ZNF45: variants seen among roughly 807,000 people sequenced by gnomAD.
ZNF45 encodes the protein BRC1744.
ZNF45 carries 4 observed loss-of-function variants against 12.0 expected under a neutral mutation model. That is an observed-to-expected ratio of 0.33 (90% CI 0.16 to 0.76). The LOEUF is 0.76. Ranked by LOEUF, ZNF45 falls within the 30% of genes least tolerant of loss-of-function variation. The pLI is 0.60. For missense variants in ZNF45, 700 were observed against 813.0 expected (o/e 0.86, Z 1.69); for synonymous variants, 272 against 279.6 (o/e 0.97, Z 0.27).
rs988302309 is a variant in ZNF45 at position 43,924,231 on chromosome 19, C to T, written c.-33+7G>A. The T allele has an allele frequency of 6.6e-6, 1 of 152,194 alleles. No individual in the cohort carries two copies. 9.4% of individuals were successfully genotyped at this position (152,194 alleles called of 1,614,324 possible). ...CATGATGTTTCATTAAGGTACTTCA[C>T]ACATACCTGTGAAGAAGCTACTGTT... On this transcript the variant is annotated splice_region_variant and intron_variant, in intron 6 of 9. Coordinates refer to ENST00000269973, the MANE Select transcript of ZNF45 (RefSeq NM_003425.4).
At chr19:43,934,755 T>C (rs1974381299) in intron 1 of ZNF45, 61 bp from the exon 2 acceptor site, 1 of 152,248 alleles carries the variant, frequency 6.6e-6, no homozygotes, top group Non-Finnish European at 1.5e-5. Context: ...TTTATTATGA[T>C]AGTTTTAATA....
At chr19:43,918,061 TG>T (rs1379816896) in intron 9 of ZNF45, among the ~76,000 whole-genome samples, 2 of 152,202 alleles carry the variant, frequency 1.3e-5, no homozygotes, top group Non-Finnish European at 2.9e-5. Context: ...ACTACTAAAA[TG>T]ATAAGTAATA....
At chr19:43,918,619 T>C (rs1972877937) in intron 9 of ZNF45, among the ~76,000 whole-genome samples, 1 of 152,154 alleles carries the variant, frequency 6.6e-6, no homozygotes, top group African/African-American at 2.4e-5. Context: ...ATGTCAGAAA[T>C]AAAATTCCGT....
intron 2 of ZNF45, 121 bp from the exon 3 acceptor site, chr19:43,932,811 T>C (rs1974235440): frequency 6.6e-6 from 1 of 152,238 alleles, no homozygotes; most frequent in Admixed American, 6.5e-5. Flanking sequence ...CTTTCTCACA[T>C]AAGTAGCATT....
intron 3 of ZNF45, among the ~76,000 whole-genome samples, chr19:43,929,501 A>G (rs906131003): frequency 1.3e-5 from 2 of 152,188 alleles, no homozygotes; most frequent in Non-Finnish European, 2.9e-5. Flanking sequence ...TTACAAAAGC[A>G]TAGGCCCCAG....
chr19:43,924,297 G>C lies in ZNF45; in HGVS notation c.-92C>G, dbSNP rs1973489588. 2 of 152,172 alleles carry C rather than the reference G, an allele frequency of 1.3e-5. No individual in the cohort carries two copies. Among genetic ancestry groups the C allele is most frequent in the Non-Finnish European group, 2.9e-5 (2 of 68,040 alleles). The allele number at this position is 152,172 out of a possible 1,614,324, so 9.4% of individuals were successfully genotyped here. Reference sequence around the variant, plus strand: ...CCTTGGTCCAAACACCTAAACTTCTGTGCCTATGCTCAGCTATAAGAAGGG... The same window carrying C: ...CCTTGGTCCAAACACCTAAACTTCTCTGCCTATGCTCAGCTATAAGAAGGG... On this transcript the variant is annotated 5_prime_UTR_variant, in exon 6 of 10. Coordinates refer to ENST00000269973, the MANE Select transcript of ZNF45 (RefSeq NM_003425.4).
intron 4 of ZNF45, among the ~76,000 whole-genome samples, 198 bp from the exon 5 acceptor site, chr19:43,924,759 G>C (rs428505): frequency 0.49 from 73,860 of 152,048 alleles, 18,854 homozygotes; most frequent in East Asian, 0.81. Context: ...ATACAGGCAT[G>C]TCCAACTTGC....
In ZNF45 at chr19:43,924,809, GTAA is replaced by G. The variant is rs1184405594; in HGVS notation, c.-265-251_-265-249del. Among the ~76,000 whole-genome samples the G allele has an allele frequency of 3.9e-5, 6 of 152,322 alleles. No individual in the cohort carries two copies. The East Asian group carries it at 1.2e-3, about 29-fold the overall frequency. ...CTAATGTCTAATCTATAAACTGGAT[GTAA>G]TAATAATACCTACTTCATAGGAAGG... On this transcript the variant is annotated intron_variant, in intron 4 of 9. Transcript: ENST00000269973.
At chr19:43,926,500 G>A (rs1035360568) in intron 3 of ZNF45, 3 of 152,190 alleles carry the variant, frequency 2.0e-5, no homozygotes, top group Non-Finnish European at 2.9e-5. Flanking sequence ...GCACTAGACA[G>A]GTGAATTTAT....
intron 3 of ZNF45, among the ~76,000 whole-genome samples, chr19:43,932,165 G>A (rs1466296368): frequency 3.9e-5 from 6 of 151,980 alleles, no homozygotes; most frequent in South Asian, 2.1e-4. Flanking sequence ...CCAAAACCCC[G>A]TCTCTACTAA....
At position 43,914,327 on chromosome 19, in the gene ZNF45, C is replaced by T. The variant is rs1311085671; in HGVS notation, c.1109G>A (p.Ser370Asn). ...YKCEECGKGF[S>N]VGSHLQAHQI... ...ATGGGCCTGAAGGTGTGAACCCACACTGAAACCTTTCCCACACTCCTCACA... is the reference window on the plus strand; with the variant it reads ...ATGGGCCTGAAGGTGTGAACCCACATTGAAACCTTTCCCACACTCCTCACA... Residue 370 changes from serine (S) to asparagine (N), a missense_variant, in exon 10 of 10, where the codon AGT becomes AAT. Transcript: ENST00000269973. The T allele has an allele frequency of 6.2e-7, 1 of 1,613,114 alleles. No homozygotes were observed. The highest frequency in any genetic ancestry group is 1.3e-5 in the African/African-American group (1 of 75,006).
chr19:43,926,109 C>G (rs1973655806), intron 3 of ZNF45, among the ~76,000 whole-genome samples: 1 of 152,144 alleles, frequency 6.6e-6, no homozygotes, highest in African/African-American at 2.4e-5. Flanking sequence ...CTTTATATCC[C>G]AAGTACCTAA....
chr19:43,913,402 G>T lies in ZNF45; in HGVS notation c.2034C>A (p.His678Gln). Residue 678 changes from histidine to glutamine, a missense_variant, in exon 10 of 10, where the codon CAC becomes CAA. Coordinates refer to ENST00000269973, the MANE Select transcript of ZNF45 (RefSeq NM_003425.4). Reference sequence around the variant, plus strand: ...AAAACATATTTTATCGAGTTTTCCTGTGTGAATCCTCTGATGAAGGAAAGT... The same window carrying T: ...AAAACATATTTTATCGAGTTTTCCTTTGTGAATCCTCTGATGAAGGAAAGT... The part of the protein sequence containing the change: ...DKDFPSSEDS[H>Q]RKTR 1.3e-6 allele frequency: 2 copies of T among 1,543,502 alleles called. No individual in the cohort carries two copies. Among genetic ancestry groups the T allele is most frequent in the Non-Finnish European group, 1.7e-6 (2 of 1,147,098 alleles).
At chr19:43,930,290 TTAA>T (rs1377276332) in intron 3 of ZNF45, among the ~76,000 whole-genome samples, 3 of 152,188 alleles carry the variant, frequency 2.0e-5, no homozygotes, top group East Asian at 3.9e-4. Context: ...GCCTCACCTC[TTAA>T]TAACACCACA....
At chr19:43,918,995 A>G in intron 8 of ZNF45, 33 bp from the exon 9 acceptor site, 2 of 1,572,182 alleles carry the variant, frequency 1.3e-6, no homozygotes, top group East Asian at 4.5e-5. Context: ...GTTTATAATT[A>G]ATACATCAGA....
At chr19:43,920,925 T>C (rs17656688) in intron 7 of ZNF45, among the ~76,000 whole-genome samples, 56,174 of 151,942 alleles carry the variant, frequency 0.37, 11,553 homozygotes, top group South Asian at 0.56. Context: ...TGTTTTAACT[T>C]TTCATATGAA....
rs147379441 is a variant in ZNF45 at position 43,927,320 on chromosome 19, A to G, written c.-399-1862T>C. ...GCTACAAGCATTTGGAAGGAACCCAAAGATTTGCAGAATGACTACTTTAAT... is the reference window on the plus strand; with the variant it reads ...GCTACAAGCATTTGGAAGGAACCCAGAGATTTGCAGAATGACTACTTTAAT... On this transcript the variant is annotated intron_variant, in intron 3 of 9. Coordinates refer to ENST00000269973, the MANE Select transcript of ZNF45 (RefSeq NM_003425.4). 2.6e-3 allele frequency among the ~76,000 whole-genome samples: 391 copies of G among 152,302 alleles called. 2 individuals are homozygous for G. Among genetic ancestry groups the G allele is most frequent in the African/African-American group, 9.0e-3 (373 of 41,570 alleles).
Position 43,914,105 on chromosome 19 carries a change from TA to T in ZNF45, c.1330del (p.Tyr444IlefsTer96). On this transcript the variant is annotated frameshift_variant, in exon 10 of 10. Coordinates refer to ENST00000269973, the MANE Select transcript of ZNF45 (RefSeq NM_003425.4). LOFTEE classifies it low-confidence loss of function (END_TRUNC). The part of the protein sequence containing the change: ...HFRVHTGEKP[Y>X]KCEECGKGFS... ...GCCCTTGCCACACTCCTCACATTTA[TA>T]GGGTTTTTCCCCTGTATGGACTCTA... The T allele has an allele frequency of 1.9e-6, 3 of 1,614,174 alleles. No homozygotes were observed. The highest frequency in any genetic ancestry group is 2.5e-6 in the Non-Finnish European group (3 of 1,180,012).
At chr19:43,924,040 T>C (rs2147039851) in intron 6 of ZNF45, among the ~76,000 whole-genome samples, 198 bp downstream of exon 6, 1 of 148,988 alleles carries the variant, frequency 6.7e-6, no homozygotes, top group East Asian at 1.9e-4. Context: ...AAGACTATCA[T>C]AGAGACAGAG....
Sources: gnomAD v4.1 joint callset for allele counts (sites outside exome capture counted in the v4.1 genomes callset) on GRCh38, gnomAD v4.1.1 for gene constraint, MANE v1.5 for transcripts, NCBI Gene and HGNC (gene_info 2026-07-23, HGNC 2026-07-21) for gene names.